The following CMIP variants were observed in gnomAD, a reference collection of about 807,000 sequenced individuals.
CMIP encodes the protein c-Maf inducing protein.
A neutral mutation model predicts 97.3 loss-of-function variants in CMIP; 13 were observed. The ratio of observed to expected loss-of-function variants is 0.13; its 90% CI spans 0.09 to 0.21. The LOEUF is 0.21. Among genes scored for constraint, CMIP ranks in the 10% least tolerant of loss-of-function variants. CMIP has a pLI of 1.00. For missense variants in CMIP, 847 were observed against 1,024.9 expected (o/e 0.83, Z 2.37); for synonymous variants, 538 against 436.3 (o/e 1.23, Z -2.91).
Position 81,651,474 on chromosome 16 carries a change from G to A in CMIP, c.478-729G>A, listed in dbSNP as rs988019413. ...TCACCAGGTGGATGCGGAGGGCAGC[G>A]CTGGATTTCCCGGGGGAGCATTCCA... On this transcript the variant is annotated intron_variant, in intron 3 of 20. Coordinates refer to ENST00000537098, the MANE Select transcript of CMIP (RefSeq NM_198390.3). The A allele has an allele frequency of 1.0e-4, 73 of 711,556 alleles. 1 individual carries two copies. Among genetic ancestry groups the A allele is most frequent in the Admixed American group, 1.9e-4 (3 of 15,956 alleles). The allele number at this position is 711,556 out of a possible 1,614,324, so 44.1% of individuals were successfully genotyped here. A position where few individuals can be genotyped will look rare whatever the true frequency, so the allele number is the denominator to read the frequency against.
intron 1 of CMIP, among the ~76,000 whole-genome samples, chr16:81,503,118 C>T (rs972838416): frequency 2.0e-5 from 3 of 152,214 alleles, no homozygotes; most frequent in Admixed American, 6.5e-5. Flanking sequence ...ACACAGGCCC[C>T]GGAGTACGGT....
chr16:81,702,326 G>A (rs2151098542), intron 16 of CMIP, among the ~76,000 whole-genome samples: 1 of 152,196 alleles, frequency 6.6e-6, no homozygotes, highest in African/African-American at 2.4e-5. Context: ...GTCCCCCGGT[G>A]GGATTTGGTG....
chr16:81,476,658 A>G (rs772992766), intron 1 of CMIP: 7 of 382,718 alleles, frequency 1.8e-5, no homozygotes, highest in East Asian at 6.1e-5. Context: ...TACTTTCTGT[A>G]TATGAGATCC....
chr16:81,492,465 G>A lies in CMIP; in HGVS notation c.300+46924G>A, dbSNP rs373075260. ...TTCTGTTAGCGATGAAGATGAAAAA[G>A]TGTCCCTTCTGCCCAGGCTCTCCCT... is the stretch of plus-strand genomic sequence containing the variant. On this transcript the variant is annotated intron_variant, in intron 1 of 20. Transcript: ENST00000537098. Among the ~76,000 whole-genome samples, 126 of 152,328 alleles carry A rather than the reference G, an allele frequency of 8.3e-4. No homozygotes were observed. In the South Asian group the frequency reaches 0.024, roughly 30 times the overall value.
chr16:81,446,477 G>C (rs966096330), intron 1 of CMIP, among the ~76,000 whole-genome samples: 4 of 152,096 alleles, frequency 2.6e-5, no homozygotes, highest in African/African-American at 9.7e-5. Context: ...GATGCTTTGT[G>C]TTTTGAAACA....
chr16:81,691,258 T>C (rs1906033172), intron 10 of CMIP, among the ~76,000 whole-genome samples: 1 of 152,240 alleles, frequency 6.6e-6, no homozygotes, highest in Non-Finnish European at 1.5e-5. Context: ...GGCTTGCAGA[T>C]GGCTGCCTTC....
intron 1 of CMIP, among the ~76,000 whole-genome samples, chr16:81,594,968 A>G (rs2091529260): frequency 1.3e-5 from 2 of 151,996 alleles, no homozygotes; most frequent in African/African-American, 2.4e-5. Flanking sequence ...ATTAGATACC[A>G]TAAGAGATTA....
intron 1 of CMIP, among the ~76,000 whole-genome samples, chr16:81,492,281 T>C (rs537289477): frequency 6.6e-6 from 1 of 152,332 alleles, no homozygotes; most frequent in East Asian, 1.9e-4. Flanking sequence ...CCGGGTGTCA[T>C]TGTTTTTCAT....
chr16:81,690,921 G>C (rs1905987036), intron 10 of CMIP, among the ~76,000 whole-genome samples: 1 of 152,154 alleles, frequency 6.6e-6, no homozygotes, highest in South Asian at 2.1e-4. Context: ...GTAGGACTGT[G>C]TCTCAAATAA....
intron 7 of CMIP, chr16:81,666,268 A>C (rs908756004): frequency 2.6e-5 from 4 of 152,206 alleles, no homozygotes; most frequent in Non-Finnish European, 4.4e-5. Context: ...TTTTCTTGCG[A>C]AGGACCTTAA....
At chr16:81,524,085 G>T (rs1160128494) in intron 1 of CMIP, among the ~76,000 whole-genome samples, 1 of 152,150 alleles carries the variant, frequency 6.6e-6, no homozygotes, top group Admixed American at 6.5e-5. Flanking sequence ...CCTCTTTCAC[G>T]GGTTCCATGC....
rs2092444752 is a variant in CMIP, at chr16:81,652,956, A to C, written c.639+592A>C. 6.6e-6 allele frequency among the ~76,000 whole-genome samples: 1 copy of C among 152,106 alleles called. No individual in the cohort carries two copies. Among genetic ancestry groups the C allele is most frequent in the East Asian group, 1.9e-4 (1 of 5,188 alleles). Reference sequence around the variant, plus strand: ...ACCATCTGGGAATTCAAGCAAAGACAAGCCCCCTACCCCCCTGGAGCTTGT... The same window carrying C: ...ACCATCTGGGAATTCAAGCAAAGACCAGCCCCCTACCCCCCTGGAGCTTGT... On this transcript the variant is annotated intron_variant, in intron 4 of 20. Coordinates refer to ENST00000537098, the MANE Select transcript of CMIP (RefSeq NM_198390.3). The surrounding 1 kb of genome is among the most constrained non-coding windows in gnomAD (Gnocchi z 5.2).
In CMIP at chr16:81,552,786, G is replaced by A. The variant is rs191723296; in HGVS notation, c.301-54781G>A. Among the ~76,000 whole-genome samples, 434 of 152,318 alleles carry A rather than the reference G, an allele frequency of 2.8e-3. 2 individuals carry two copies. The highest frequency in any genetic ancestry group is 4.8e-3 in the Non-Finnish European group (324 of 68,028). On this transcript the variant is annotated intron_variant, in intron 1 of 20. Coordinates refer to ENST00000537098, the MANE Select transcript of CMIP (RefSeq NM_198390.3). ...TGCCTACCACCAGGGGCCATCCTTAGTGGGAGAAGCCAGGCTACCTGCCTT... is the reference window on the plus strand; with the variant it reads ...TGCCTACCACCAGGGGCCATCCTTAATGGGAGAAGCCAGGCTACCTGCCTT...
At chr16:81,515,351 C>G (rs1455533139) in intron 1 of CMIP, among the ~76,000 whole-genome samples, 1 of 152,152 alleles carries the variant, frequency 6.6e-6, no homozygotes, top group Non-Finnish European at 1.5e-5. Context: ...GTCCCTCACG[C>G]TTCTAGATGG....
chr16:81,676,580 C>G (rs1459873880), intron 9 of CMIP, among the ~76,000 whole-genome samples: 1 of 152,154 alleles, frequency 6.6e-6, no homozygotes, highest in Non-Finnish European at 1.5e-5. Context: ...TAGGTCTCCC[C>G]CCATCACAGA....
chr16:81,490,868 G>C (rs2089394685), intron 1 of CMIP, among the ~76,000 whole-genome samples: 1 of 152,164 alleles, frequency 6.6e-6, no homozygotes, highest in South Asian at 2.1e-4. Flanking sequence ...ACTTGAGATG[G>C]GGCAGGCATC....
intron 3 of CMIP, among the ~76,000 whole-genome samples, chr16:81,637,534 G>A (rs961617757): frequency 5.3e-5 from 8 of 152,212 alleles, no homozygotes; most frequent in Non-Finnish European, 1.0e-4. Flanking sequence ...AGGAAACTAA[G>A]GTTCAGAGAG....
rs1453672559 is a variant in CMIP at position 81,453,403 on chromosome 16, T to A, written c.300+7862T>A. On this transcript the variant is annotated intron_variant, in intron 1 of 20. Transcript: ENST00000537098. The surrounding 1 kb of genome is among the most constrained non-coding windows in gnomAD (Gnocchi z 4.0). The stretch of plus-strand genomic sequence containing the variant: ...CTGGCTGCATCCAGCTCAGGTGGGG[T>A]CATATGGAGAAGGAAGATCACACCG... Among the ~76,000 whole-genome samples the A allele has an allele frequency of 1.3e-5, 2 of 151,906 alleles. No individual in the cohort carries two copies. Among genetic ancestry groups the A allele is most frequent in the African/African-American group, 2.4e-5 (1 of 41,306 alleles).
intron 13 of CMIP, chr16:81,695,940 T>A: frequency 7.8e-6 from 1 of 127,658 alleles, no homozygotes; most frequent in Non-Finnish European, 1.7e-5. Flanking sequence ...GAGAGAGAGA[T>A]TAGCAGGGCA....
Sources: gnomAD v4.1 joint callset for allele counts (sites outside exome capture counted in the v4.1 genomes callset) on GRCh38, gnomAD v4.1.1 for gene constraint, Gnocchi (gnomAD v3.1) non-coding constraint, MANE v1.5 for transcripts, NCBI Gene and HGNC (gene_info 2026-07-23, HGNC 2026-07-21) for gene names.